Variants in TXNL4A observed in about 807,000 individuals in gnomAD.
The protein encoded by TXNL4A is thioredoxin-like protein 4A.
In TXNL4A, 17 loss-of-function variants were observed where a neutral mutation model predicts 14.6. The ratio of observed to expected loss-of-function variants is 1.16; its 90% CI spans 0.80 to 1.74. The LOEUF (loss-of-function observed/expected upper bound fraction) is 1.74, where lower values mean the gene tolerates loss of function less well. TXNL4A is among the 40% of genes most tolerant of loss of function. The pLI, the probability that TXNL4A is intolerant of heterozygous loss-of-function variation, is 0.00. For synonymous variants in TXNL4A, 83 were observed against 70.6 expected (o/e 1.18, Z -0.88); for missense variants, 74 against 195.2 (o/e 0.38, Z 3.70).
rs2051310836 is a variant in TXNL4A at position 79,972,301 on chromosome 18, T to C, written c.*1384A>G. 6.6e-6 allele frequency: 1 copy of C among 152,292 alleles called. No homozygotes were observed. The highest frequency in any genetic ancestry group is 2.4e-5 in the African/African-American group (1 of 41,448). The allele number at this position is 152,292 out of a possible 1,614,324, so 9.4% of individuals were successfully genotyped here. A position where few individuals can be genotyped will look rare whatever the true frequency, so the allele number is the denominator to read the frequency against. On this transcript the variant is annotated 3_prime_UTR_variant, in exon 3 of 3. Coordinates refer to ENST00000269601, the MANE Select transcript of TXNL4A (RefSeq NM_006701.5). ...CACTTGGTGGGGCAGAGCCTGGGTC[T>C]GAGGTCAGAGGGCCCACGGTGTGCT...
chr18:79,978,563 G>T (rs2051414700), intron 1 of TXNL4A, among the ~76,000 whole-genome samples: 2 of 151,996 alleles, frequency 1.3e-5, no homozygotes, highest in South Asian at 4.2e-4. Flanking sequence ...GCAAGATCTT[G>T]GCTCACTGCA....
At chr18:79,983,884 T>A (rs1431475765) in intron 1 of TXNL4A, among the ~76,000 whole-genome samples, 1 of 152,172 alleles carries the variant, frequency 6.6e-6, no homozygotes, top group East Asian at 1.9e-4. Context: ...GCCAAGTTCG[T>A]AACGCTCATG....
At position 79,975,604 on chromosome 18, in the gene TXNL4A, C is replaced by T. The variant is rs78745912; in HGVS notation, c.258-1748G>A. On this transcript the variant is annotated intron_variant, in intron 2 of 2. Coordinates refer to ENST00000269601, the MANE Select transcript of TXNL4A (RefSeq NM_006701.5). ...ATTCTGAGGGGCAAAATAGAAAAGGCCTCTATTGCCTCGAACAGGCTGTTA... is the reference window on the plus strand; with the variant it reads ...ATTCTGAGGGGCAAAATAGAAAAGGTCTCTATTGCCTCGAACAGGCTGTTA... 9.2e-5 allele frequency among the ~76,000 whole-genome samples: 14 copies of T among 152,304 alleles called. No individual in the cohort carries two copies. The East Asian group carries it at 2.7e-3, about 29-fold the overall frequency.
At position 79,993,904 on chromosome 18, in the gene TXNL4A, C is replaced by G. The variant is rs1037182673; in HGVS notation, c.-60-16203G>C. Among the ~76,000 whole-genome samples, 17 of 152,144 alleles carry G rather than the reference C, an allele frequency of 1.1e-4. No homozygotes were observed. Among genetic ancestry groups the G allele is most frequent in the Non-Finnish European group, 2.2e-4 (15 of 68,034 alleles). ...CTGACCCTTCCCACACCTGGAGCCC[C>G]TGACACACTTTACCAGGTAGCCGCG... On this transcript the variant is annotated intron_variant, in intron 1 of 2. Transcript: ENST00000585474. The surrounding 1 kb of genome is among the most constrained non-coding windows in gnomAD (Gnocchi z 4.4).
upstream of TXNL4A, among the ~76,000 whole-genome samples, chr18:79,989,120 T>G (rs1360613629): frequency 2.0e-5 from 3 of 152,132 alleles, no homozygotes; most frequent in African/African-American, 7.2e-5. Context: ...GAAACCAGGT[T>G]TTTTAATTTG....
At chr18:79,975,157 A>G (rs373631605) in intron 2 of TXNL4A, among the ~76,000 whole-genome samples, 1 of 152,006 alleles carries the variant, frequency 6.6e-6, no homozygotes, top group South Asian at 2.1e-4. Flanking sequence ...TTCGGTATTT[A>G]TATCTCATAA....
intron 1 of TXNL4A, among the ~76,000 whole-genome samples, chr18:79,999,666 G>C (rs1221521626): frequency 6.6e-6 from 1 of 151,888 alleles, no homozygotes; most frequent in Admixed American, 6.6e-5. Context: ...AGCTAAAAGA[G>C]CAGCATTTGA....
intron 1 of TXNL4A, among the ~76,000 whole-genome samples, chr18:80,004,766 G>A (rs1376678896): frequency 1.3e-5 from 2 of 152,178 alleles, no homozygotes; most frequent in Non-Finnish European, 2.9e-5. Context: ...AGAGTCCCAA[G>A]AAACCACAAA....
At chr18:79,976,617 T>G (rs1199670782) in intron 2 of TXNL4A, 1 of 313,738 alleles carries the variant, frequency 3.2e-6, no homozygotes, top group Non-Finnish European at 6.3e-6. Context: ...AACTGTGAGC[T>G]CAGAAAAGCG....
intron 2 of TXNL4A, chr18:79,976,674 C>G (rs1008967935): frequency 7.3e-6 from 3 of 408,464 alleles, no homozygotes; most frequent in African/African-American, 2.1e-5. Context: ...ACAAAGAATA[C>G]AAAACTAACG....
chr18:79,988,862 T>C (rs1333271556), upstream of TXNL4A, among the ~76,000 whole-genome samples: 1 of 152,170 alleles, frequency 6.6e-6, no homozygotes, highest in Non-Finnish European at 1.5e-5. Flanking sequence ...CAGCCACGGA[T>C]GGGGACGTCC....
At chr18:80,018,215 C>T (rs1349638512) in intron 1 of TXNL4A, among the ~76,000 whole-genome samples, 1 of 152,192 alleles carries the variant, frequency 6.6e-6, no homozygotes, top group African/African-American at 2.4e-5. Flanking sequence ...GGAAACTGAA[C>T]AGCCTGCTCC....
chr18:79,986,284 G>A (rs1056425172), intron 1 of TXNL4A, among the ~76,000 whole-genome samples: 1 of 152,154 alleles, frequency 6.6e-6, no homozygotes, highest in Non-Finnish European at 1.5e-5. Context: ...GATCGCCTAC[G>A]CTGGCCTCCC....
intron 1 of TXNL4A, among the ~76,000 whole-genome samples, chr18:80,006,416 C>T (rs2051731491): frequency 1.3e-5 from 2 of 151,954 alleles, no homozygotes; most frequent in Non-Finnish European, 1.5e-5. Context: ...AGGAAGAATG[C>T]TGTAACAGAG....
At position 79,973,688 on chromosome 18, in the gene TXNL4A, G is replaced by A; in HGVS notation, c.426C>T (p.Tyr142=). Residue 142 remains tyrosine, a synonymous_variant, in exon 3 of 3, where the codon TAC becomes TAT. Transcript: ENST00000269601. ...SPKDYSTKYR[Y] ...ATCCGCGCAGACTGAGGGCGCCTCA[G>A]TAGCGGTACTTGGTGGAGTAGTCCT... The A allele has an allele frequency of 1.9e-6, 3 of 1,612,464 alleles. No homozygotes were observed. Among genetic ancestry groups the A allele is most frequent in the Non-Finnish European group, 2.5e-6 (3 of 1,179,354 alleles).
At chr18:80,018,401 C>T (rs1006361985) in intron 1 of TXNL4A, among the ~76,000 whole-genome samples, 11 of 152,098 alleles carry the variant, frequency 7.2e-5, no homozygotes, top group Non-Finnish European at 1.5e-4. Context: ...CCAAAATTGA[C>T]ACGCTAACAT....
chr18:80,014,206 A>G (rs2051791560), intron 1 of TXNL4A, among the ~76,000 whole-genome samples: 1 of 152,114 alleles, frequency 6.6e-6, no homozygotes, highest in Non-Finnish European at 1.5e-5. Context: ...CTCACATTTC[A>G]AAACCAATCA....
intron 1 of TXNL4A, among the ~76,000 whole-genome samples, chr18:80,028,885 C>A (rs1426156026): frequency 6.6e-6 from 1 of 152,116 alleles, no homozygotes; most frequent in Non-Finnish European, 1.5e-5. Context: ...TTCTAAAACC[C>A]AAATGTTTGG....
At chr18:80,010,306 T>C (rs879915057) in intron 1 of TXNL4A, among the ~76,000 whole-genome samples, 5 of 151,994 alleles carry the variant, frequency 3.3e-5, no homozygotes, top group Non-Finnish European at 7.4e-5. Context: ...AGGTGCTTAG[T>C]CTGCAGGCTG....
Sources: allele counts gnomAD v4.1 joint callset (sites outside exome capture counted in the v4.1 genomes callset), GRCh38; gene constraint gnomAD v4.1.1; non-coding constraint Gnocchi (gnomAD v3.1); transcripts MANE v1.5; gene names NCBI Gene and HGNC (gene_info 2026-07-23, HGNC 2026-07-21).